NETO1: variants seen among roughly 807,000 people sequenced by gnomAD.
The protein encoded by NETO1 is neuropilin and tolloid like 1.
NETO1 carries 26 observed loss-of-function variants against 61.3 expected under a neutral mutation model. The ratio of observed to expected loss-of-function variants is 0.42; its 90% CI spans 0.31 to 0.59. The LOEUF is 0.59. Ranked by LOEUF, NETO1 falls within the 20% of genes least tolerant of loss-of-function variation. The pLI is 0.12. For synonymous variants in NETO1, 225 were observed against 225.8 expected (o/e 1.00, Z 0.03); for missense variants, 531 against 662.8 (o/e 0.80, Z 2.18).
chr18:72,865,760 A>G (rs2074715440), intron 1 of NETO1: 2 of 1,394,816 alleles, frequency 1.4e-6, no homozygotes, highest in African/African-American at 1.5e-5. Flanking sequence ...AATAAGCAAG[A>G]AACAGATTAA....
intron 4 of NETO1, among the ~76,000 whole-genome samples, chr18:72,829,953 T>C (rs1486794736): frequency 6.6e-6 from 1 of 152,142 alleles, no homozygotes; most frequent in Non-Finnish European, 1.5e-5. Flanking sequence ...ATATTCGCAG[T>C]GTATCCACAG....
intron 4 of NETO1, among the ~76,000 whole-genome samples, chr18:72,821,407 GA>G (rs11453085): frequency 2.7e-4 from 39 of 146,912 alleles, no homozygotes; most frequent in East Asian, 1.4e-3. Context: ...AAAGAAACAA[GA>G]AAAAAAAAAT....
At chr18:72,856,535 A>C (rs1276246629) in intron 4 of NETO1, among the ~76,000 whole-genome samples, 1 of 151,738 alleles carries the variant, frequency 6.6e-6, no homozygotes, top group Non-Finnish European at 1.5e-5. Context: ...TGCATTTGTT[A>C]ATTGTCTCAA....
In NETO1 at chr18:72,791,262, G is replaced by C. The variant is rs76764926; in HGVS notation, c.639+2855C>G. Among the ~76,000 whole-genome samples, 545 of 152,256 alleles carry C rather than the reference G, an allele frequency of 3.6e-3. 11 individuals are homozygous for C. The South Asian group carries it at 0.055, about 15-fold the overall frequency. On this transcript the variant is annotated intron_variant, in intron 6 of 10. Coordinates refer to ENST00000327305, the MANE Select transcript of NETO1 (RefSeq NM_138966.5). Reference sequence around the variant, plus strand: ...AATAATGTGTATACATTTTAATAGAGCCAAGTAAGCTATTCAGCACTTTCT... The same window carrying C: ...AATAATGTGTATACATTTTAATAGACCCAAGTAAGCTATTCAGCACTTTCT...
downstream of NETO1, chr18:72,742,910 G>C (rs1204757458): frequency 6.6e-6 from 1 of 152,128 alleles, no homozygotes. Context: ...CCATCACCTT[G>C]AAACAATAAA....
chr18:72,793,935 C>T (rs937131486), intron 6 of NETO1, among the ~76,000 whole-genome samples, 182 bp downstream of exon 6: 13 of 152,152 alleles, frequency 8.5e-5, no homozygotes, highest in Non-Finnish European at 1.2e-4. Context: ...TTGCTATTTA[C>T]GACATCAAAT....
chr18:72,829,540 A>T (rs2073504285), intron 4 of NETO1, among the ~76,000 whole-genome samples: 1 of 152,178 alleles, frequency 6.6e-6, no homozygotes, highest in African/African-American at 2.4e-5. Context: ...AACACTATGA[A>T]ATTTAAATGT....
chr18:72,773,930 T>C (rs923611896), intron 7 of NETO1, among the ~76,000 whole-genome samples: 2 of 152,158 alleles, frequency 1.3e-5, no homozygotes, highest in East Asian at 3.9e-4. Context: ...TGTATATTTC[T>C]TTATTACAAA....
In NETO1 at chr18:72,823,884, T is replaced by C. The variant is rs556007995; in HGVS notation, c.470-29480A>G. 7.2e-5 allele frequency among the ~76,000 whole-genome samples: 11 copies of C among 152,172 alleles called. No homozygotes were observed. The East Asian group carries it at 2.1e-3, about 29-fold the overall frequency. Reference sequence around the variant, plus strand: ...TGGCCACAAAGTCTCAAATATCTACTCTCTGCCCCTAAACAGAGGAGAAGC... The same window carrying C: ...TGGCCACAAAGTCTCAAATATCTACCCTCTGCCCCTAAACAGAGGAGAAGC... On this transcript the variant is annotated intron_variant, in intron 4 of 10. Transcript: ENST00000327305.
chr18:72,824,630 C>T (rs1041558174), intron 4 of NETO1, among the ~76,000 whole-genome samples: 8 of 151,542 alleles, frequency 5.3e-5, no homozygotes, highest in Non-Finnish European at 1.0e-4. Flanking sequence ...TTTGGGAGGC[C>T]GAGGCGGGCA....
chr18:72,836,263 T>C (rs1019510382), intron 4 of NETO1, among the ~76,000 whole-genome samples: 5 of 152,180 alleles, frequency 3.3e-5, no homozygotes, highest in African/African-American at 1.2e-4. Context: ...ACCATTCTTC[T>C]GCGTGGTTGA....
chr18:72,866,964 A>G (rs577834592), intron 1 of NETO1: 3 of 408,766 alleles, frequency 7.3e-6, no homozygotes, highest in Non-Finnish European at 1.3e-5. Flanking sequence ...GCTTGGGCCA[A>G]TCTCTGCCGC....
At chr18:72,865,517 A>T in intron 1 of NETO1, 1 of 1,568,060 alleles carries the variant, frequency 6.4e-7, no homozygotes, top group Non-Finnish European at 8.7e-7. Flanking sequence ...ATGTCAATTT[A>T]CTCATGTCAC....
Position 72,750,149 on chromosome 18 carries a change from T to C in NETO1, c.1454A>G (p.Asp485Gly), listed in dbSNP as rs769780751. The change falls in exon 9 of 11, where the codon GAT (aspartate) becomes GGT (glycine). Residue 485 changes from aspartate (D) to glycine (G), a missense_variant. Physicochemically the swap from Asp to Gly is moderately conservative, Grantham distance 94. Coordinates refer to ENST00000327305, the MANE Select transcript of NETO1 (RefSeq NM_138966.5). ...ILVMKHSYSQ[D>G]AADACDIDEI... ...ATCTATGTCACAGGCATCTGCAGCA[T>C]CTTGCGAGTAGCTGTGTTTCATGAC... The C allele has an allele frequency of 2.5e-6, 4 of 1,613,856 alleles. No homozygotes were observed. The highest frequency in any genetic ancestry group is 3.3e-5 in the Admixed American group (2 of 59,958).
At chr18:72,857,064 C>T (rs1011941946) in intron 4 of NETO1, among the ~76,000 whole-genome samples, 3 of 152,228 alleles carry the variant, frequency 2.0e-5, no homozygotes, top group African/African-American at 7.2e-5. Context: ...TTGGGCCACA[C>T]AATGTCAACT....
Position 72,832,213 on chromosome 18 carries a change from A to C in NETO1, c.469+26613T>G, listed in dbSNP as rs138962705. On this transcript the variant is annotated intron_variant, in intron 4 of 10. Transcript: ENST00000327305. Reference sequence around the variant, plus strand: ...TTAAAATTTGAGGCCATATAAAATAATTTGTAATTCTTAAAAAAGTAGAAT... The same window carrying C: ...TTAAAATTTGAGGCCATATAAAATACTTTGTAATTCTTAAAAAAGTAGAAT... 1.2e-3 allele frequency among the ~76,000 whole-genome samples: 188 copies of C among 152,286 alleles called. 1 individual carries two copies. The South Asian group carries it at 0.023, about 18-fold the overall frequency.
At chr18:72,816,883 C>A (rs2073047804) in intron 4 of NETO1, among the ~76,000 whole-genome samples, 2 of 152,046 alleles carry the variant, frequency 1.3e-5, no homozygotes, top group South Asian at 4.1e-4. Flanking sequence ...ACACTTGGAC[C>A]CAGTAAGGAT....
intron 7 of NETO1, among the ~76,000 whole-genome samples, chr18:72,764,278 C>G (rs1348474338): frequency 6.6e-6 from 1 of 152,072 alleles, no homozygotes; most frequent in Non-Finnish European, 1.5e-5. Flanking sequence ...GGTCTAGAAT[C>G]TATTACTCTG....
intron 4 of NETO1, among the ~76,000 whole-genome samples, chr18:72,851,120 G>A (rs961853206): frequency 1.3e-5 from 2 of 152,134 alleles, no homozygotes; most frequent in African/African-American, 4.8e-5. Context: ...AGGAAAATTC[G>A]TGGGAGATCG....
Sources: allele counts gnomAD v4.1 joint callset (sites outside exome capture counted in the v4.1 genomes callset), GRCh38; gene constraint gnomAD v4.1.1; transcripts MANE v1.5; gene names NCBI Gene and HGNC (gene_info 2026-07-23, HGNC 2026-07-21).